The following GALNTL6 variants were observed in gnomAD, a reference collection of about 807,000 sequenced individuals.
GALNTL6 encodes the protein polypeptide N-acetylgalactosaminyltransferase like 6, also known as polypeptide N-acetylgalactosaminyltransferase-like 6.
In GALNTL6, 46 loss-of-function variants were observed where a neutral mutation model predicts 73.7. The observed-to-expected ratio is 0.62, with a 90% CI of 0.49 to 0.80. The LOEUF is 0.80. Ranked by LOEUF, GALNTL6 falls within the 30% of genes least tolerant of loss-of-function variation. The pLI is 0.00. For synonymous variants in GALNTL6, 259 were observed against 263.7 expected (o/e 0.98, Z 0.17); for missense variants, 604 against 755.0 (o/e 0.80, Z 2.34).
At chr4:171,859,288 G>A (rs1303504838) in intron 2 of GALNTL6, among the ~76,000 whole-genome samples, 1 of 152,104 alleles carries the variant, frequency 6.6e-6, no homozygotes, top group Admixed American at 6.5e-5. Flanking sequence ...TATGCTTATT[G>A]TGTTATTTAT....
chr4:172,340,530 T>C (rs1445691035), intron 4 of GALNTL6, among the ~76,000 whole-genome samples: 2 of 152,314 alleles, frequency 1.3e-5, no homozygotes, highest in Non-Finnish European at 2.9e-5. Context: ...AAGTGTATGG[T>C]TGTCAATTTT....
At chr4:172,909,802 C>T (rs1447148150) in intron 8 of GALNTL6, among the ~76,000 whole-genome samples, 1 of 152,058 alleles carries the variant, frequency 6.6e-6, no homozygotes, top group Non-Finnish European at 1.5e-5. Context: ...GATAAACTCA[C>T]ACCTGTGTGA....
At chr4:172,108,116 T>C (rs1040745912) in intron 2 of GALNTL6, among the ~76,000 whole-genome samples, 4 of 152,184 alleles carry the variant, frequency 2.6e-5, no homozygotes, top group African/African-American at 4.8e-5. Flanking sequence ...GTGTTTGAAA[T>C]AGTAGCACCT....
intron 5 of GALNTL6, among the ~76,000 whole-genome samples, chr4:172,791,824 A>C (rs1394462172): frequency 6.6e-6 from 1 of 152,222 alleles, no homozygotes; most frequent in Non-Finnish European, 1.5e-5. Context: ...TGATTGAGAA[A>C]CTAAAAATTA....
intron 8 of GALNTL6, among the ~76,000 whole-genome samples, chr4:172,887,013 C>A (rs1312237937): frequency 6.6e-6 from 1 of 151,984 alleles, no homozygotes; most frequent in Non-Finnish European, 1.5e-5. Flanking sequence ...TGATCAGTGA[C>A]TTTTGTTGTC....
At chr4:171,914,443 T>G (rs993748619) in intron 2 of GALNTL6, among the ~76,000 whole-genome samples, 2 of 149,476 alleles carry the variant, frequency 1.3e-5, no homozygotes, top group Admixed American at 6.7e-5. Context: ...TTTTTTTTTT[T>G]TTTTTGAGAT....
chr4:172,165,527 G>A (rs763314569), intron 2 of GALNTL6, among the ~76,000 whole-genome samples: 1 of 152,270 alleles, frequency 6.6e-6, no homozygotes, highest in East Asian at 1.9e-4. Context: ...AATGACCCAT[G>A]TGGCAAGTTA....
At chr4:173,034,499 C>T (rs1241801623) in intron 12 of GALNTL6, among the ~76,000 whole-genome samples, 2 of 152,206 alleles carry the variant, frequency 1.3e-5, no homozygotes, top group Non-Finnish European at 2.9e-5. Context: ...GACCCAACCT[C>T]CATCACCTCT....
At chr4:173,026,893 C>T (rs530883592) in intron 12 of GALNTL6, among the ~76,000 whole-genome samples, 16 of 152,230 alleles carry the variant, frequency 1.1e-4, no homozygotes, top group Middle Eastern at 3.4e-3. Flanking sequence ...TCCTGGCCTT[C>T]ATGTAGTTAG....
intron 2 of GALNTL6, among the ~76,000 whole-genome samples, chr4:171,861,699 C>T (rs965696526): frequency 2.0e-5 from 3 of 152,126 alleles, no homozygotes; most frequent in African/African-American, 7.2e-5. Flanking sequence ...CAGAACTTTA[C>T]AACTTTCATA....
intron 5 of GALNTL6, among the ~76,000 whole-genome samples, chr4:172,754,786 G>C (rs1183278871): frequency 6.8e-6 from 1 of 146,004 alleles, no homozygotes; most frequent in Non-Finnish European, 1.5e-5. Flanking sequence ...ATTTAGAATA[G>C]AATTATGGAT....
chr4:172,692,903 CA>C (rs770226419), intron 5 of GALNTL6, among the ~76,000 whole-genome samples: 4 of 152,156 alleles, frequency 2.6e-5, no homozygotes, highest in Non-Finnish European at 5.9e-5. Flanking sequence ...GTGAATGAGT[CA>C]TGGTGATGAC....
chr4:172,207,663 T>C (rs549862323), intron 2 of GALNTL6, among the ~76,000 whole-genome samples: 1 of 152,276 alleles, frequency 6.6e-6, no homozygotes, highest in African/African-American at 2.4e-5. Context: ...TACTGACATA[T>C]AAACGCTTGG....
At chr4:172,650,270 G>A (rs977829472) in intron 5 of GALNTL6, among the ~76,000 whole-genome samples, 3 of 151,976 alleles carry the variant, frequency 2.0e-5, no homozygotes, top group African/African-American at 4.8e-5. Context: ...AAAGAACAGC[G>A]GTACCATATT....
At position 172,442,551 on chromosome 4, in the gene GALNTL6, G is replaced by A. The variant is rs115550395; in HGVS notation, c.553+93862G>A. 4.9e-3 allele frequency among the ~76,000 whole-genome samples: 739 copies of A among 152,090 alleles called. 6 individuals carry two copies. Among genetic ancestry groups the A allele is most frequent in the African/African-American group, 0.016 (670 of 41,496 alleles). ...GTAATTCCTTACTCTTATAAAAAAAGGATTTCTTAGTCTTGTAGCCTTTAA... is the reference window on the plus strand; with the variant it reads ...GTAATTCCTTACTCTTATAAAAAAAAGATTTCTTAGTCTTGTAGCCTTTAA... On this transcript the variant is annotated intron_variant, in intron 5 of 12. Transcript: ENST00000506823.
intron 2 of GALNTL6, among the ~76,000 whole-genome samples, chr4:171,967,103 C>A (rs1739407691): frequency 6.6e-6 from 1 of 152,134 alleles, no homozygotes; most frequent in African/African-American, 2.4e-5. Context: ...AATAACTACC[C>A]CCTACCCACT....
At chr4:173,024,800 A>C (rs1465373511) in intron 12 of GALNTL6, among the ~76,000 whole-genome samples, 1 of 152,206 alleles carries the variant, frequency 6.6e-6, no homozygotes, top group Non-Finnish European at 1.5e-5. Flanking sequence ...GCTGGTCTCG[A>C]ACTCCTGACC....
intron 5 of GALNTL6, among the ~76,000 whole-genome samples, chr4:172,657,656 A>G (rs1200065234): frequency 6.6e-6 from 1 of 152,226 alleles, no homozygotes; most frequent in East Asian, 1.9e-4. Context: ...AACTCACACT[A>G]GCACCCAACT....
intron 7 of GALNTL6, among the ~76,000 whole-genome samples, chr4:172,845,772 A>G (rs1339063315): frequency 2.0e-5 from 3 of 152,234 alleles, no homozygotes; most frequent in Non-Finnish European, 2.9e-5. Flanking sequence ...TTTACCATCA[A>G]GTCAGCAAAG....
Sources: allele counts gnomAD v4.1 joint callset (sites outside exome capture counted in the v4.1 genomes callset), GRCh38; gene constraint gnomAD v4.1.1; transcripts MANE v1.5; gene names NCBI Gene and HGNC (gene_info 2026-07-23, HGNC 2026-07-21).